The following ABR variants were observed in gnomAD, a reference collection of about 807,000 sequenced individuals.
ABR encodes the protein active breakpoint cluster region-related protein.
ABR carries 35 observed loss-of-function variants against 107.2 expected under a neutral mutation model. That is an observed-to-expected ratio of 0.33 (90% CI 0.25 to 0.43). The LOEUF (loss-of-function observed/expected upper bound fraction) is 0.43. Among genes scored for constraint, ABR ranks in the 20% least tolerant of loss-of-function variants. The pLI is 1.00. For synonymous variants in ABR, 498 were observed against 462.0 expected, an observed-to-expected ratio of 1.08 and a Z score of -1.00; for missense variants, 815 against 1,115.2, an observed-to-expected ratio of 0.73 and a Z score of 3.83.
chr17:1,013,011 C>T (rs1234096999), intron 17 of ABR, 94 bp downstream of exon 17: 5 of 1,471,584 alleles, frequency 3.4e-6, no homozygotes, highest in East Asian at 4.5e-5. Context: ...GGCACAGCGG[C>T]CCCAGGAGCA....
chr17:1,009,620 C>T (rs1597339579), intron 21 of ABR, 59 bp downstream of exon 21: 2 of 1,514,624 alleles, frequency 1.3e-6, no homozygotes, highest in Non-Finnish European at 9.2e-7. Context: ...GGGGCCCCTC[C>T]CCGTTACCTT....
intron 1 of ABR, among the ~76,000 whole-genome samples, chr17:1,158,335 A>G (rs62069441): frequency 0.077 from 11,620 of 151,808 alleles, 512 homozygotes; most frequent in Middle Eastern, 0.16. Flanking sequence ...GACTCAGGCA[A>G]TCCAGCCGCC....
chr17:1,191,286 C>T (rs1054839374), upstream of ABR, among the ~76,000 whole-genome samples: 4 of 148,648 alleles, frequency 2.7e-5, no homozygotes, highest in African/African-American at 5.2e-5. Context: ...AAGCTTCCTG[C>T]CAGCTTCTCA....
At chr17:1,182,292 C>T (rs1160308861), upstream of ABR, 1 of 152,196 alleles carries the variant, frequency 6.6e-6, no homozygotes, top group Non-Finnish European at 1.5e-5. Flanking sequence ...CCCTGAGCAG[C>T]TGAGTAACCC....
intron 1 of ABR, among the ~76,000 whole-genome samples, chr17:1,170,005 T>TG (rs1392655829): frequency 2.4e-4 from 31 of 130,540 alleles, no homozygotes; most frequent in African/African-American, 7.2e-4. Context: ...TGTGTGTGTG[T>TG]GTGGGGGGGG....
intron 2 of ABR, among the ~76,000 whole-genome samples, chr17:1,118,489 G>A (rs75060900): frequency 1.6e-4 from 4 of 25,762 alleles, no homozygotes; most frequent in Admixed American, 4.5e-4. Context: ...TCCTCCCAGC[G>A]TTATCCCTGA....
At chr17:1,195,600 C>A (rs1277140712) in intron 1 of ABR, among the ~76,000 whole-genome samples, 1 of 150,258 alleles carries the variant, frequency 6.7e-6, no homozygotes, top group Non-Finnish European at 1.5e-5. Flanking sequence ...GTCAGGAGAT[C>A]GAGACCATCC....
intron 16 of ABR, among the ~76,000 whole-genome samples, chr17:1,029,900 T>C (rs1158810857): frequency 6.7e-6 from 1 of 150,166 alleles, no homozygotes; most frequent in East Asian, 2.0e-4. Context: ...GGACACACTG[T>C]GGCAGACGTC....
intron 2 of ABR, chr17:1,109,241 C>T (rs1333542645): frequency 3.6e-6 from 3 of 826,588 alleles, no homozygotes; most frequent in East Asian, 3.5e-5. Flanking sequence ...GCTCCGCCGC[C>T]GCCGCCGCCG....
In ABR at chr17:1,009,718, T is replaced by C. The variant is rs768149117; in HGVS notation, c.2303A>G (p.Asn768Ser). The change falls in exon 21 of 23, where the codon AAC (asparagine) becomes AGC (serine). Residue 768 changes from asparagine (N) to serine (S), a missense_variant. Asn to Ser is a conservative substitution (Grantham distance 46). Coordinates refer to ENST00000302538, the MANE Select transcript of ABR (RefSeq NM_021962.5). ...CAGCAGGAAGAGGAAGGTGATGAGG[T>C]TGGGGTCGGGCAGGGAGCGGAGCAG... ...MHLLRSLPDP[N>S]LITFLFLLEH... 1.2e-6 allele frequency: 2 copies of C among 1,614,038 alleles called. No homozygotes were observed. Among genetic ancestry groups the C allele is most frequent in the African/African-American group, 1.3e-5 (1 of 75,016 alleles).
chr17:1,086,093 C>T (rs2036574375), intron 4 of ABR, among the ~76,000 whole-genome samples: 2 of 152,114 alleles, frequency 1.3e-5, no homozygotes, highest in Admixed American at 6.6e-5. Context: ...TTGCAGTGAG[C>T]CCAGATTGCA....
In ABR at chr17:1,210,286, G is replaced by A. The variant is rs779093074; in HGVS notation, c.838+18507C>T. Among the ~76,000 whole-genome samples the A allele has an allele frequency of 1.3e-5, 2 of 152,214 alleles. No homozygotes were observed. The highest frequency in any genetic ancestry group is 4.8e-5 in the African/African-American group (2 of 41,450). ...AACTCTTTGGGAGGCCGAGGTGGGT[G>A]AATCACCTGAGGTCAAGAGTTCAAG... On this transcript the variant is annotated intron_variant, in intron 1 of 22. Coordinates refer to the ABR transcript ENST00000574139. This position sits in a 1 kb window ranked among gnomAD's most constrained non-coding sequence, Gnocchi z 5.6.
chr17:1,043,040 G>A (rs1421158317), intron 16 of ABR, among the ~76,000 whole-genome samples: 1 of 152,220 alleles, frequency 6.6e-6, no homozygotes, highest in East Asian at 1.9e-4. Context: ...GGCTAAGGGT[G>A]CAGGAGTGGG....
Position 1,150,158 on chromosome 17 carries a change from C to G in ABR, c.62-24791G>C, listed in dbSNP as rs2040734958. Among the ~76,000 whole-genome samples the G allele has an allele frequency of 1.3e-5, 2 of 151,882 alleles. 1 individual carries two copies. The highest frequency in any genetic ancestry group is 4.2e-4 in the South Asian group (2 of 4,816). On this transcript the variant is annotated intron_variant, in intron 1 of 22. Coordinates refer to ENST00000302538, the MANE Select transcript of ABR (RefSeq NM_021962.5). The surrounding 1 kb of genome is among the most constrained non-coding windows in gnomAD (Gnocchi z 4.8). The stretch of plus-strand genomic sequence containing the variant: ...TCTTCTCAAGGGCTGACACACTTCT[C>G]AAAGCGCTGAGATTACAGACGTGAG...
intron 2 of ABR, among the ~76,000 whole-genome samples, chr17:1,113,565 G>T (rs1299753700): frequency 6.6e-6 from 1 of 152,068 alleles, no homozygotes; most frequent in Admixed American, 6.6e-5. Flanking sequence ...GGGATTACAG[G>T]TGTGAGACAC....
chr17:1,191,438 A>G (rs9905660), upstream of ABR, among the ~76,000 whole-genome samples: 87,905 of 146,280 alleles, frequency 0.6, 28,336 homozygotes, highest in Middle Eastern at 0.76. Context: ...GCTCACTGCA[A>G]CCTCCACCTC....
At chr17:1,097,396 G>C (rs903839164) in intron 3 of ABR, among the ~76,000 whole-genome samples, 1 of 152,034 alleles carries the variant, frequency 6.6e-6, no homozygotes, top group Admixed American at 6.6e-5. Flanking sequence ...TTCAAGACCA[G>C]CCTGGCCAAC....
At chr17:1,169,259 C>G (rs1268455936) in intron 1 of ABR, among the ~76,000 whole-genome samples, 3 of 152,202 alleles carry the variant, frequency 2.0e-5, no homozygotes, top group Admixed American at 2.0e-4. Context: ...TGGCAGAAGT[C>G]ACCAGCAGAG....
upstream of ABR, among the ~76,000 whole-genome samples, chr17:1,181,509 C>T (rs572214277): frequency 1.8e-4 from 27 of 152,286 alleles, no homozygotes; most frequent in South Asian, 3.3e-3. Context: ...TGCCGCCCCT[C>T]CCTGCAGCTG....
Sources: gnomAD v4.1 joint callset for allele counts (sites outside exome capture counted in the v4.1 genomes callset) on GRCh38, gnomAD v4.1.1 for gene constraint, Gnocchi (gnomAD v3.1) non-coding constraint, MANE v1.5 for transcripts, NCBI Gene and HGNC (gene_info 2026-07-23, HGNC 2026-07-21) for gene names.